Variants in MYO3B observed in about 807,000 individuals in gnomAD.
MYO3B encodes the protein myosin-IIIb.
Under a neutral mutation model 174.6 loss-of-function variants are expected in MYO3B, and 156 were observed. The ratio of observed to expected loss-of-function variants is 0.89; its 90% confidence interval spans 0.78 to 1.02. The LOEUF (loss-of-function observed/expected upper bound fraction) is 1.02. Among genes scored for constraint, MYO3B ranks in the 50% least tolerant of loss-of-function variants. MYO3B has a pLI of 0.00. For missense variants in MYO3B, 1,632 were observed against 1,639.4 expected, an observed-to-expected ratio of 1.00 and a Z score of 0.08; for synonymous variants, 563 against 569.1, an observed-to-expected ratio of 0.99 and a Z score of 0.15.
intron 7 of MYO3B, among the ~76,000 whole-genome samples, chr2:170,306,797 G>A (rs1205739085): frequency 2.0e-5 from 3 of 152,232 alleles, no homozygotes; most frequent in African/African-American, 7.2e-5. Context: ...ACAAGCCCAA[G>A]TTCTTCTGCA....
intron 23 of MYO3B, among the ~76,000 whole-genome samples, chr2:170,450,640 T>C (rs1283634832): frequency 3.3e-5 from 5 of 152,126 alleles, no homozygotes; most frequent in African/African-American, 1.2e-4. Flanking sequence ...ATAAAAATCT[T>C]TTTCAAAAGA....
At chr2:170,549,039 C>T (rs1268172692) in intron 32 of MYO3B, among the ~76,000 whole-genome samples, 1 of 152,114 alleles carries the variant, frequency 6.6e-6, no homozygotes, top group Non-Finnish European at 1.5e-5. Context: ...AGAGGGAGAT[C>T]TGAGAAAATC....
chr2:170,490,439 T>G (rs1170547995), intron 25 of MYO3B, among the ~76,000 whole-genome samples: 1 of 152,226 alleles, frequency 6.6e-6, no homozygotes, highest in Non-Finnish European at 1.5e-5. Flanking sequence ...ATGGTAGCTT[T>G]TTCGTAGATT....
intron 32 of MYO3B, among the ~76,000 whole-genome samples, chr2:170,564,109 C>G (rs1196780750): frequency 6.6e-6 from 1 of 152,138 alleles, no homozygotes; most frequent in Non-Finnish European, 1.5e-5. Flanking sequence ...CAGATTTCAC[C>G]TTGGGTCCTT....
intron 7 of MYO3B, among the ~76,000 whole-genome samples, chr2:170,306,898 G>T (rs1038735946): frequency 1.3e-5 from 2 of 152,130 alleles, no homozygotes; most frequent in Non-Finnish European, 2.9e-5. Context: ...AGAAAACTAC[G>T]TTTTAATTAA....
At chr2:170,288,860 C>A (rs868075301) in intron 7 of MYO3B, among the ~76,000 whole-genome samples, 1 of 151,962 alleles carries the variant, frequency 6.6e-6, no homozygotes, top group African/African-American at 2.4e-5. Context: ...CATACATAGC[C>A]TTTATCATGT....
In MYO3B at chr2:170,391,770, T is replaced by C. The variant is rs1456932313; in HGVS notation, c.1676+152T>C. On this transcript the variant is annotated intron_variant, in intron 15 of 34. Transcript: ENST00000408978. ...GTGAGGTGGCAGGAAGTATCCACCA[T>C]TTTCATTGTCTAGAAAGTTCAAAAA... is the stretch of plus-strand genomic sequence containing the variant. 3 of 582,160 alleles carry C rather than the reference T, an allele frequency of 5.2e-6. No individual in the cohort carries two copies. In the Admixed American group the frequency reaches 1.1e-4, roughly 22 times the overall value. 36.1% of individuals were successfully genotyped at this position (582,160 alleles called of 1,614,324 possible). A position where few individuals can be genotyped will look rare whatever the true frequency, so the allele number is the denominator to read the frequency against.
At position 170,376,602 on chromosome 2, in the gene MYO3B, TC is replaced by T. The variant is rs1377251452; in HGVS notation, c.972-5413del. 7.9e-4 allele frequency among the ~76,000 whole-genome samples: 106 copies of T among 134,240 alleles called. No homozygotes were observed. The Middle Eastern group carries it at 0.019, about 24-fold the overall frequency. 88.1% of individuals were successfully genotyped at this position (134,240 alleles called of 152,430 possible). A position where few individuals can be genotyped will look rare whatever the true frequency, so the allele number is the denominator to read the frequency against. On this transcript the variant is annotated intron_variant, in intron 9 of 34. Coordinates refer to ENST00000408978, the MANE Select transcript of MYO3B (RefSeq NM_138995.5). ...TGCACCTTTTTCCTTATTCCCTCTC[TC>T]TATTTTTTTTTTTGCCTCTATCCGC...
intron 19 of MYO3B, among the ~76,000 whole-genome samples, chr2:170,403,335 T>G (rs2094490250): frequency 6.6e-6 from 1 of 152,194 alleles, no homozygotes; most frequent in African/African-American, 2.4e-5. Context: ...TGACCTTGAA[T>G]TCGGGACATA....
intron 7 of MYO3B, among the ~76,000 whole-genome samples, chr2:170,277,472 A>G (rs1399735926): frequency 6.6e-6 from 1 of 152,170 alleles, no homozygotes; most frequent in African/African-American, 2.4e-5. Flanking sequence ...TGTGACTTAC[A>G]TAAGGGTAAC....
chr2:170,568,021 T>C (rs950985610), intron 32 of MYO3B, among the ~76,000 whole-genome samples: 1 of 152,192 alleles, frequency 6.6e-6, no homozygotes, highest in African/African-American at 2.4e-5. Context: ...GCCAAGATAT[T>C]GATACCCTCA....
At chr2:170,268,881 C>T (rs2093404256) in intron 7 of MYO3B, among the ~76,000 whole-genome samples, 1 of 152,062 alleles carries the variant, frequency 6.6e-6, no homozygotes, top group Non-Finnish European at 1.5e-5. Flanking sequence ...TACAAATGGC[C>T]ATTCAAAACA....
rs4028284 is a variant in MYO3B at position 170,375,069 on chromosome 2, A to T, written c.971+5692A>T. Among the ~76,000 whole-genome samples, 314 of 152,302 alleles carry T rather than the reference A, an allele frequency of 2.1e-3. 1 individual carries two copies. Among genetic ancestry groups the T allele is most frequent in the Admixed American group, 5.4e-3 (83 of 15,294 alleles). ...AAAACTATGTGAACAATGGGCTGAA[A>T]GTACATTGTTACTTCATCTGTTGGA... On this transcript the variant is annotated intron_variant, in intron 9 of 34. Coordinates refer to ENST00000408978, the MANE Select transcript of MYO3B (RefSeq NM_138995.5).
intron 2 of MYO3B, 100 bp from the exon 3 acceptor site, chr2:170,200,050 T>C (rs2092643740): frequency 9.0e-7 from 1 of 1,105,904 alleles, no homozygotes; most frequent in African/African-American, 1.6e-5. Context: ...TGAAAATACA[T>C]AGTACATATG....
chr2:170,191,915 C>A (rs4668218), intron 1 of MYO3B, among the ~76,000 whole-genome samples: 1 of 151,910 alleles, frequency 6.6e-6, no homozygotes, highest in African/African-American at 2.4e-5. Flanking sequence ...TATTGCTCTG[C>A]CTGTAACTCG....
intron 30 of MYO3B, among the ~76,000 whole-genome samples, chr2:170,540,465 A>T (rs1690017225): frequency 6.6e-6 from 1 of 152,078 alleles, no homozygotes; most frequent in South Asian, 2.1e-4. Context: ...AATTAAATAG[A>T]GACAGGGTCT....
At chr2:170,434,420 G>A (rs2094735442) in intron 22 of MYO3B, among the ~76,000 whole-genome samples, 2 of 152,220 alleles carry the variant, frequency 1.3e-5, no homozygotes, top group Non-Finnish European at 2.9e-5. Flanking sequence ...ACAATGGTGA[G>A]CGCACACTTG....
At chr2:170,557,763 T>C (rs1045454496) in intron 32 of MYO3B, among the ~76,000 whole-genome samples, 1 of 152,132 alleles carries the variant, frequency 6.6e-6, no homozygotes, top group Non-Finnish European at 1.5e-5. Context: ...AACGGTGATA[T>C]GTGGTCTCCA....
At chr2:170,594,772 C>T (rs1416056987) in intron 32 of MYO3B, among the ~76,000 whole-genome samples, 1 of 151,814 alleles carries the variant, frequency 6.6e-6, no homozygotes, top group Non-Finnish European at 1.5e-5. Flanking sequence ...TCCTACCTTG[C>T]TTTTCTCTGG....
Sources: allele counts gnomAD v4.1 joint callset (sites outside exome capture counted in the v4.1 genomes callset), GRCh38; gene constraint gnomAD v4.1.1; transcripts MANE v1.5; gene names NCBI Gene and HGNC (gene_info 2026-07-23, HGNC 2026-07-21).